Variants in ATL2 observed in about 807,000 individuals in gnomAD.
The protein encoded by ATL2 is atlastin-2.
Under a neutral mutation model 73.9 loss-of-function variants are expected in ATL2, and 31 were observed. That is an observed-to-expected ratio of 0.42 (90% CI 0.32 to 0.57). The LOEUF is 0.57. Ranked by LOEUF, ATL2 falls within the 20% of genes least tolerant of loss-of-function variation. The pLI is 0.14. For missense variants in ATL2, 738 were observed against 702.6 expected (o/e 1.05, Z -0.57); for synonymous variants, 291 against 237.5 (o/e 1.23, Z -2.07).
intron 2 of ATL2, among the ~76,000 whole-genome samples, chr2:38,327,310 AAGAG>A (rs1164935208): frequency 1.3e-5 from 2 of 152,140 alleles, no homozygotes; most frequent in Non-Finnish European, 2.9e-5. Flanking sequence ...CAATGTATAA[AAGAG>A]AGGAGGAATT....
chr2:38,359,876 C>G (rs1482560594), intron 1 of ATL2, among the ~76,000 whole-genome samples: 1 of 151,954 alleles, frequency 6.6e-6, no homozygotes, highest in Non-Finnish European at 1.5e-5. Context: ...GCCTGTAATC[C>G]TAGCCCTTTG....
chr2:38,348,398 G>C lies in ATL2; in HGVS notation c.119-4886C>G, dbSNP rs1304419815. On this transcript the variant is annotated intron_variant, in intron 1 of 12. Transcript: ENST00000378954. ...GGAGAATTGCTTGAACCCAGGAAAC[G>C]GAGGTTGCGGTGAGCCAAGATTGCG... is the stretch of plus-strand genomic sequence containing the variant. 2.0e-5 allele frequency among the ~76,000 whole-genome samples: 3 copies of C among 151,872 alleles called. No individual in the cohort carries two copies. In the South Asian group the frequency reaches 6.2e-4, roughly 32 times the overall value.
intron 1 of ATL2, chr2:38,376,214 C>A: frequency 1.3e-6 from 2 of 1,502,890 alleles, no homozygotes; most frequent in Non-Finnish European, 8.9e-7. Flanking sequence ...GCGATCAATT[C>A]GCACCACAGT....
chr2:38,296,692 G>A (rs1196875133), intron 12 of ATL2: 3 of 1,558,768 alleles, frequency 1.9e-6, no homozygotes, highest in Admixed American at 3.9e-5. Flanking sequence ...TCACCTTCCT[G>A]GGACTCCTCT....
chr2:38,333,833 T>C (rs995172147), intron 2 of ATL2, among the ~76,000 whole-genome samples: 1 of 152,142 alleles, frequency 6.6e-6, no homozygotes, highest in Non-Finnish European at 1.5e-5. Context: ...TGTAAACACT[T>C]CCATCTCGTT....
At chr2:38,365,672 TC>T (rs1015753493) in intron 1 of ATL2, among the ~76,000 whole-genome samples, 2 of 143,706 alleles carry the variant, frequency 1.4e-5, no homozygotes, top group Non-Finnish European at 2.9e-5. Flanking sequence ...GTACCTGTAG[TC>T]CCTTGGGAGT....
intron 9 of ATL2, among the ~76,000 whole-genome samples, chr2:38,301,330 C>A (rs1667180506): frequency 6.6e-6 from 1 of 152,118 alleles, no homozygotes; most frequent in Non-Finnish European, 1.5e-5. Context: ...AGCAAGATGG[C>A]CAAATAGAAG....
intron 1 of ATL2, among the ~76,000 whole-genome samples, chr2:38,354,460 C>A (rs969189285): frequency 2.0e-5 from 3 of 152,096 alleles, no homozygotes; most frequent in Non-Finnish European, 4.4e-5. Context: ...AATGAAATTA[C>A]ACCCTAAGGT....
At chr2:38,359,770 T>A (rs143302539) in intron 1 of ATL2, among the ~76,000 whole-genome samples, 1 of 152,132 alleles carries the variant, frequency 6.6e-6, no homozygotes, top group African/African-American at 2.4e-5. Context: ...TCCCCAAAGT[T>A]TGTCATCAAA....
rs184215493 is a variant in ATL2, at chr2:38,344,534, T to C, written c.119-1022A>G. Among the ~76,000 whole-genome samples, 114 of 152,222 alleles carry C rather than the reference T, an allele frequency of 7.5e-4. 1 individual carries two copies. The highest frequency in any genetic ancestry group is 2.7e-3 in the African/African-American group (111 of 41,544). On this transcript the variant is annotated intron_variant, in intron 1 of 12. Coordinates refer to ENST00000378954, the MANE Select transcript of ATL2 (RefSeq NM_001135673.4). Reference sequence around the variant, plus strand: ...CTGAGACAGGAGAATCGCTTGAACCTGGGAGGCAGAGGTTGCAGTGAGCTG... The same window carrying C: ...CTGAGACAGGAGAATCGCTTGAACCCGGGAGGCAGAGGTTGCAGTGAGCTG...
At chr2:38,372,035 A>C (rs1671718420) in intron 1 of ATL2, among the ~76,000 whole-genome samples, 2 of 151,980 alleles carry the variant, frequency 1.3e-5, no homozygotes. Flanking sequence ...AGTTCTAATC[A>C]CTGTCCATGA....
chr2:38,312,369 T>C (rs974943554), intron 7 of ATL2, among the ~76,000 whole-genome samples: 4 of 150,602 alleles, frequency 2.7e-5, no homozygotes, highest in African/African-American at 1.0e-4. Flanking sequence ...TGTTAAAAAG[T>C]ATGTGGCACT....
intron 12 of ATL2, chr2:38,296,798 T>A (rs1006847396): frequency 6.6e-7 from 1 of 1,505,514 alleles, no homozygotes; most frequent in Non-Finnish European, 8.9e-7. Context: ...TAAACTATAC[T>A]GAAAATGATT....
In ATL2 at chr2:38,348,084, A is replaced by C. The variant is rs146556147; in HGVS notation, c.119-4572T>G. ...GCCTGGCCCTGCCCTTACCTAGTTT[A>C]TAAGCAAATATGATAATCAAATAGC... On this transcript the variant is annotated intron_variant, in intron 1 of 12. Coordinates refer to ENST00000378954, the MANE Select transcript of ATL2 (RefSeq NM_001135673.4). 3.3e-5 allele frequency among the ~76,000 whole-genome samples: 5 copies of C among 152,166 alleles called. No homozygotes were observed. The East Asian group carries it at 9.7e-4, about 29-fold the overall frequency.
chr2:38,330,711 T>C (rs1668937410), intron 2 of ATL2, among the ~76,000 whole-genome samples: 1 of 152,104 alleles, frequency 6.6e-6, no homozygotes, highest in Admixed American at 6.5e-5. Context: ...ACTCAAAAAC[T>C]ATAAAAAAAT....
chr2:38,323,349 GTTTTTTTTT>G (rs1229668962), intron 2 of ATL2, among the ~76,000 whole-genome samples: 11 of 75,244 alleles, frequency 1.5e-4, no homozygotes, highest in Non-Finnish European at 2.0e-4. Context: ...ATCACCAGAA[GTTTTTTTTT>G]TTTTTTTTTT....
chr2:38,357,651 CAA>C (rs1212548216), intron 1 of ATL2, among the ~76,000 whole-genome samples: 3 of 66,348 alleles, frequency 4.5e-5, no homozygotes, highest in Non-Finnish European at 2.9e-5. Flanking sequence ...GACTCCGTCT[CAA>C]AAAAAAAAAA....
At chr2:38,298,812 C>T (rs7583192) in intron 11 of ATL2, among the ~76,000 whole-genome samples, 15,161 of 152,086 alleles carry the variant, frequency 0.1, 2,525 homozygotes, top group African/African-American at 0.34. Context: ...AAAAATTTTA[C>T]ACTGTGCTCT....
intron 1 of ATL2, among the ~76,000 whole-genome samples, chr2:38,349,563 C>A (rs1240355883): frequency 6.7e-6 from 1 of 150,300 alleles, no homozygotes; most frequent in Admixed American, 6.6e-5. Context: ...TAGGAGTATA[C>A]CTAATGCTAA....
Sources: allele counts gnomAD v4.1 joint callset (sites outside exome capture counted in the v4.1 genomes callset), GRCh38; gene constraint gnomAD v4.1.1; transcripts MANE v1.5; gene names NCBI Gene and HGNC (gene_info 2026-07-23, HGNC 2026-07-21).